GAREM2: variants seen among roughly 807,000 people sequenced by gnomAD.
GAREM2 encodes GRB2-associated and regulator of MAPK protein 2.
In GAREM2, 30 loss-of-function variants were observed where a neutral mutation model predicts 55.6. That is an observed-to-expected ratio of 0.54 (90% CI 0.40 to 0.73). The LOEUF is 0.73. Among genes scored for constraint, GAREM2 ranks in the 30% least tolerant of loss-of-function variants. The probability of loss-of-function intolerance (pLI) is 0.00; values close to 1 mark genes in which losing one functional copy is unlikely to be tolerated. For missense variants in GAREM2, 1,075 were observed against 1,257.7 expected (o/e 0.85, Z 2.20); for synonymous variants, 550 against 569.1 (o/e 0.97, Z 0.48).
the GAREM2 span, among the ~76,000 whole-genome samples, chr2:26,201,899 A>G: frequency 6.6e-6 from 1 of 151,674 alleles, no homozygotes; most frequent in East Asian, 1.9e-4. Flanking sequence ...GGGTTCAAGC[A>G]ATTCTCTGCC....
At chr2:26,186,064 G>C (rs1669242762) in intron 4 of GAREM2, 125 bp from the exon 5 acceptor site, 1 of 927,956 alleles carries the variant, frequency 1.1e-6, no homozygotes, top group African/African-American at 1.7e-5. Flanking sequence ...GTGCAAGGCA[G>C]CCTATTGGCA....
intron 3 of GAREM2, 33 bp downstream of exon 3, chr2:26,183,130 C>T (rs751659314): frequency 1.9e-6 from 3 of 1,548,638 alleles, no homozygotes; most frequent in South Asian, 1.2e-5. Context: ...GTGGTGTCCC[C>T]ACACTACTCC....
rs1200561129 is a variant in GAREM2 at position 26,183,079 on chromosome 2, C to T, written c.366C>T (p.Ala122=). The change falls in exon 3 of 6, where the codon GCC becomes GCT. Residue 122 remains alanine, a synonymous_variant. Transcript: ENST00000401533. ...CTGACCGCATCTTCGTGATGGAAGC[C>T]ATCACCTTCAGCGTCAAGGTCAGTC... ...VFPDRIFVME[A]ITFSVKVVSG... 2 of 1,551,710 alleles carry T rather than the reference C, an allele frequency of 1.3e-6. No individual in the cohort carries two copies. Among genetic ancestry groups the T allele is most frequent in the Non-Finnish European group, 8.7e-7 (1 of 1,146,968 alleles).
chr2:26,190,617 G>A (rs1280971360), downstream of GAREM2: 1 of 158,024 alleles, frequency 6.3e-6, no homozygotes, highest in Non-Finnish European at 1.4e-5. Flanking sequence ...AAATGGGTAA[G>A]ATCACACAAT....
intron 1 of GAREM2, among the ~76,000 whole-genome samples, chr2:26,174,095 C>T (rs577411715): frequency 3.9e-5 from 6 of 152,010 alleles, no homozygotes; most frequent in African/African-American, 1.2e-4. Context: ...GCAGCCAGGC[C>T]GGGGGTTTTG....
In GAREM2 at chr2:26,186,305, G is replaced by C. The variant is rs1421953315; in HGVS notation, c.1545G>C (p.Pro515=). 12 of 1,551,418 alleles carry C rather than the reference G, an allele frequency of 7.7e-6. No homozygotes were observed. The highest frequency in any genetic ancestry group is 3.3e-4 in the Middle Eastern group (2 of 6,010). The change falls in exon 5 of 6, where the codon CCG becomes CCC. Residue 515 remains proline (P), a synonymous_variant. Transcript: ENST00000401533. The part of the protein sequence containing the change: ...PVPPRFPKLQ[P]VHSPSSSLSY... ...CCCCTCGCTTCCCCAAGCTGCAGCC[G>C]GTACATTCCCCCAGCTCCAGCCTCT...
intron 3 of GAREM2, 64 bp from the exon 4 acceptor site, chr2:26,184,169 G>A (rs1001192623): frequency 6.5e-7 from 1 of 1,534,110 alleles, no homozygotes; most frequent in Non-Finnish European, 8.8e-7. Flanking sequence ...CAGTCTCTGG[G>A]AGCTGGCCGT....
chr2:26,187,340 GC>G lies in GAREM2; in HGVS notation c.1713del (p.Gly572ValfsTer20). The G allele has an allele frequency of 1.3e-6, 2 of 1,540,418 alleles. No homozygotes were observed. Among genetic ancestry groups the G allele is most frequent in the Non-Finnish European group, 1.8e-6 (2 of 1,140,628 alleles). ...CKVGESSSRP[A>X]PGPLPSTTQP... ...GGTGGGCGAGTCCTCTAGCCGCCCA[GC>G]CCCCGGTCCCCTACCCTCAACCACA... On this transcript the variant is annotated frameshift_variant, in exon 6 of 6. Coordinates refer to ENST00000401533, the MANE Select transcript of GAREM2 (RefSeq NM_001168241.2). LOFTEE classifies it high-confidence loss of function.
the GAREM2 span, chr2:26,199,451 T>G: frequency 6.6e-6 from 1 of 152,250 alleles, no homozygotes; most frequent in Non-Finnish European, 1.5e-5. Context: ...TCAGGTTACT[T>G]TCTTAGTAAT....
At chr2:26,193,293 C>CTTTTTTTTT (rs370942158), downstream of GAREM2, among the ~76,000 whole-genome samples, 1 of 115,166 alleles carries the variant, frequency 8.7e-6, no homozygotes, top group African/African-American at 3.5e-5. Flanking sequence ...CACATGACAT[C>CTTTTTTTTT]TTTTTTTTTT....
Position 26,183,104 on chromosome 2 carries a change from C to A in GAREM2, c.384+7C>A. ...CATCACCTTCAGCGTCAAGGTCAGTCACTCCCTCACCAGGTGTGGTGTCCC... is the reference window on the plus strand; with the variant it reads ...CATCACCTTCAGCGTCAAGGTCAGTAACTCCCTCACCAGGTGTGGTGTCCC... On this transcript the variant is annotated splice_region_variant and intron_variant, in intron 3 of 5. Coordinates refer to ENST00000401533, the MANE Select transcript of GAREM2 (RefSeq NM_001168241.2). 1 of 1,551,580 alleles carries A rather than the reference C, an allele frequency of 6.4e-7. No homozygotes were observed.
chr2:26,187,123 C>G (rs757284825), intron 5 of GAREM2, 108 bp from the exon 6 acceptor site: 6 of 1,312,272 alleles, frequency 4.6e-6, no homozygotes, highest in Admixed American at 4.0e-5. Flanking sequence ...GGTGCAGGCC[C>G]GTGTTGCTGA....
chr2:26,196,516 C>A, the GAREM2 span, among the ~76,000 whole-genome samples: 1 of 152,304 alleles, frequency 6.6e-6, no homozygotes, highest in South Asian at 2.1e-4. Flanking sequence ...TTACATCACT[C>A]AGAAAGTTGT....
At position 26,185,114 on chromosome 2, in the gene GAREM2, G is replaced by A. The variant is rs1476766422; in HGVS notation, c.1266G>A (p.Ala422=). The A allele has an allele frequency of 2.8e-6, 4 of 1,446,876 alleles. No individual in the cohort carries two copies. Among genetic ancestry groups the A allele is most frequent in the East Asian group, 6.1e-5 (2 of 32,854 alleles). 89.6% of individuals were successfully genotyped at this position (1,446,876 alleles called of 1,614,324 possible). The change falls in exon 4 of 6, where the codon GCG becomes GCA. Residue 422 remains alanine (A), a synonymous_variant. Coordinates refer to ENST00000401533, the MANE Select transcript of GAREM2 (RefSeq NM_001168241.2). The stretch of plus-strand genomic sequence containing the variant: ...GGGCAGCCGCGCCCGAGCCCGCCGC[G>A]CCGCCCGCCGAGATCCCCTACGAGG... ...PDWAAAPEPA[A]PPAEIPYEEL... is the part of the protein sequence containing the mutation.
chr2:26,199,065 T>C, the GAREM2 span, among the ~76,000 whole-genome samples: 1 of 152,070 alleles, frequency 6.6e-6, no homozygotes, highest in Non-Finnish European at 1.5e-5. Flanking sequence ...TGGCTAATTT[T>C]TTTGTAGTTT....
chr2:26,184,252 G>C lies in GAREM2; in HGVS notation c.404G>C (p.Ser135Thr). 2.6e-6 allele frequency: 4 copies of C among 1,550,588 alleles called. No homozygotes were observed. The highest frequency in any genetic ancestry group is 3.5e-6 in the Non-Finnish European group (4 of 1,146,466). ...CCCCAGGTGGTGTCGGGCGAGTTCAGCGAGGACAGCGAGGTGTACAACTTC... is the reference window on the plus strand; with the variant it reads ...CCCCAGGTGGTGTCGGGCGAGTTCACCGAGGACAGCGAGGTGTACAACTTC... Reference protein sequence around the residue: ...FSVKVVSGEFSEDSEVYNFTL... With the variant: ...FSVKVVSGEFTEDSEVYNFTL... The change falls in exon 4 of 6, where the codon AGC becomes ACC. Residue 135 changes from serine (S) to threonine (T), a missense_variant. By Grantham distance (58) the Ser-to-Thr change is moderately conservative. Coordinates refer to ENST00000401533, the MANE Select transcript of GAREM2 (RefSeq NM_001168241.2).
At chr2:26,191,367 G>A (rs375399631), downstream of GAREM2, 270 of 1,614,144 alleles carry the variant, frequency 1.7e-4, 1 homozygote, top group Middle Eastern at 3.3e-4. Context: ...TCTTCTGGGC[G>A]CCATACAGAT....
In GAREM2 at chr2:26,188,159, C is replaced by T; in HGVS notation, c.2527C>T (p.Gln843Ter). 6.4e-7 allele frequency: 1 copy of T among 1,550,760 alleles called. No homozygotes were observed. Residue 843 changes from glutamine (Q) to a stop codon, truncating the protein, a stop_gained, in exon 6 of 6, where the codon CAG becomes TAG. Coordinates refer to ENST00000401533, the MANE Select transcript of GAREM2 (RefSeq NM_001168241.2). LOFTEE classifies it high-confidence loss of function. ...ACGCATCGATGGTAGCATCTTTGTGCAGCTCAGTGAGGACATCCTGGCAGA... is the reference window on the plus strand; with the variant it reads ...ACGCATCGATGGTAGCATCTTTGTGTAGCTCAGTGAGGACATCCTGGCAGA... ...RERIDGSIFV[Q>*]LSEDILADDF...
downstream of GAREM2, chr2:26,193,773 C>T (rs1190847357): frequency 6.2e-7 from 1 of 1,613,924 alleles, no homozygotes; most frequent in East Asian, 2.2e-5. Context: ...CAACTCCTTC[C>T]TGAACAGGAA....
Sources: allele counts gnomAD v4.1 joint callset (sites outside exome capture counted in the v4.1 genomes callset), GRCh38; gene constraint gnomAD v4.1.1; transcripts MANE v1.5; gene names NCBI Gene and HGNC (gene_info 2026-07-23, HGNC 2026-07-21).